The following LINGO2 variants were observed in gnomAD, a reference collection of about 807,000 sequenced individuals.
LINGO2 encodes leucine-rich repeat and immunoglobulin-like domain-containing nogo receptor-interacting protein 2.
A neutral mutation model predicts 30.6 loss-of-function variants in LINGO2; 14 were observed. That is an observed-to-expected ratio of 0.46 (90% CI 0.30 to 0.72). LINGO2 has a LOEUF of 0.72. Among genes scored for constraint, LINGO2 ranks in the 30% least tolerant of loss-of-function variants. The pLI, the probability that LINGO2 is intolerant of heterozygous loss-of-function variation, is 0.07. For synonymous variants in LINGO2, 317 were observed against 288.5 expected (o/e 1.10, Z -1.00); for missense variants, 729 against 751.7 (o/e 0.97, Z 0.35).
At chr9:28,721,318 C>T in the LINGO2 span, among the ~76,000 whole-genome samples, 10 of 152,048 alleles carry the variant, frequency 6.6e-5, no homozygotes, top group African/African-American at 2.4e-4. Context: ...GGTATATACC[C>T]AAAGGATTAT....
At chr9:28,355,982 G>C (rs1194004102) in intron 3 of LINGO2, among the ~76,000 whole-genome samples, 2 of 152,218 alleles carry the variant, frequency 1.3e-5, no homozygotes, top group African/African-American at 4.8e-5. Flanking sequence ...AGATTCCCAG[G>C]ATGTTACAAT....
intron 4 of LINGO2, among the ~76,000 whole-genome samples, chr9:28,261,727 C>A (rs769896543): frequency 1.3e-5 from 2 of 151,724 alleles, no homozygotes. Context: ...AGAAGAGAAC[C>A]ATGCAATTGC....
chr9:28,923,892 C>T, the LINGO2 span, among the ~76,000 whole-genome samples: 346 of 152,208 alleles, frequency 2.3e-3, 3 homozygotes, highest in African/African-American at 7.6e-3. Context: ...CAATATCCAA[C>T]GAGCCAGCTC....
intron 1 of LINGO2, among the ~76,000 whole-genome samples, chr9:28,668,651 C>G (rs1828896029): frequency 6.6e-6 from 1 of 151,632 alleles, no homozygotes; most frequent in Non-Finnish European, 1.5e-5. Context: ...CACATAAATT[C>G]AAGCAGGAAA....
chr9:28,407,090 T>C (rs1451500933), intron 2 of LINGO2, among the ~76,000 whole-genome samples: 1 of 152,100 alleles, frequency 6.6e-6, no homozygotes, highest in Admixed American at 6.6e-5. Flanking sequence ...TCCCTATATA[T>C]AGAGATGCAT....
intron 1 of LINGO2, among the ~76,000 whole-genome samples, chr9:28,504,766 A>C (rs1381610706): frequency 6.6e-6 from 1 of 151,914 alleles, no homozygotes; most frequent in East Asian, 1.9e-4. Context: ...AAATCAGCTT[A>C]TAAGTTAGCT....
chr9:28,916,627 T>C, the LINGO2 span, among the ~76,000 whole-genome samples: 2 of 152,218 alleles, frequency 1.3e-5, no homozygotes, highest in African/African-American at 4.8e-5. Context: ...CTTTTAGGGC[T>C]GAGCCAATGT....
intron 3 of LINGO2, among the ~76,000 whole-genome samples, chr9:28,314,991 C>G (rs1351436903): frequency 8.1e-6 from 1 of 122,704 alleles, no homozygotes; most frequent in Non-Finnish European, 1.6e-5. Flanking sequence ...GCCTGGGTGA[C>G]AGAGCAAGAC....
exon 6 of LINGO2, chr9:27,950,124 G>T (rs1563847338): frequency 1.2e-6 from 2 of 1,614,050 alleles, no homozygotes; most frequent in Non-Finnish European, 8.5e-7. Context: ...TTTCTCCAGG[G>T]TGAGCTGCTC....
the LINGO2 span, among the ~76,000 whole-genome samples, chr9:29,055,454 T>C: frequency 6.6e-6 from 1 of 152,226 alleles, no homozygotes; most frequent in Non-Finnish European, 1.5e-5. Context: ...TTTGTCGGTC[T>C]ATGGACATTT....
At chr9:28,558,228 G>A (rs867300442) in intron 1 of LINGO2, among the ~76,000 whole-genome samples, 3 of 150,376 alleles carry the variant, frequency 2.0e-5, no homozygotes, top group South Asian at 4.2e-4. Context: ...AGCTGATTTC[G>A]TTCTACTTAA....
intron 4 of LINGO2, among the ~76,000 whole-genome samples, chr9:28,021,535 T>C (rs1459025213): frequency 6.6e-6 from 1 of 152,150 alleles, no homozygotes; most frequent in Non-Finnish European, 1.5e-5. Flanking sequence ...TTGGGTCAAC[T>C]GTATCATTAT....
chr9:28,088,749 A>C (rs1055464791), intron 4 of LINGO2, among the ~76,000 whole-genome samples: 2 of 152,180 alleles, frequency 1.3e-5, no homozygotes, highest in Non-Finnish European at 2.9e-5. Context: ...AAATGCTCCA[A>C]TTAAAAGACA....
the LINGO2 span, among the ~76,000 whole-genome samples, chr9:28,885,360 T>TATATACAC: frequency 3.0e-4 from 43 of 144,162 alleles, 1 homozygote; most frequent in African/African-American, 1.0e-3. Context: ...TATATATATA[T>TATATACAC]ACACACACAC....
the LINGO2 span, among the ~76,000 whole-genome samples, chr9:29,176,036 A>C: frequency 6.6e-6 from 1 of 152,142 alleles, no homozygotes; most frequent in Admixed American, 6.5e-5. Flanking sequence ...CAAGTCCTCG[A>C]TCTGCACATA....
chr9:29,144,624 C>T, the LINGO2 span, among the ~76,000 whole-genome samples: 1 of 152,130 alleles, frequency 6.6e-6, no homozygotes, highest in Non-Finnish European at 1.5e-5. Context: ...TCAGAATTCA[C>T]TGCCTTCATC....
At position 28,171,526 on chromosome 9, in the gene LINGO2, TAA is replaced by T. The variant is rs144516028; in HGVS notation, c.-87+123680_-87+123681del. On this transcript the variant is annotated intron_variant, in intron 4 of 5. Coordinates refer to ENST00000379992, the Ensembl canonical transcript of LINGO2. ...GGGCTTGGGAAGCTCTCAAGAACAC[TAA>T]AAAAATGAAGCACCTTAAGGGCATG... is the stretch of plus-strand genomic sequence containing the variant. 1.6e-3 allele frequency among the ~76,000 whole-genome samples: 240 copies of T among 152,092 alleles called. 1 individual carries two copies. The highest frequency in any genetic ancestry group is 5.7e-3 in the African/African-American group (235 of 41,480).
At chr9:28,887,902 T>A in the LINGO2 span, among the ~76,000 whole-genome samples, 2 of 152,106 alleles carry the variant, frequency 1.3e-5, no homozygotes, top group Admixed American at 1.3e-4. Context: ...TTGCAAAAAA[T>A]TTAAAGGCTG....
chr9:28,494,219 CT>C (rs201627955), intron 1 of LINGO2, among the ~76,000 whole-genome samples: 3 of 151,212 alleles, frequency 2.0e-5, no homozygotes, highest in East Asian at 2.0e-4. Context: ...ATTTAGGCTA[CT>C]TTTTTTTTAA....
Sources: gnomAD v4.1 joint callset for allele counts (sites outside exome capture counted in the v4.1 genomes callset) on GRCh38, gnomAD v4.1.1 for gene constraint, MANE v1.5 for transcripts, NCBI Gene and HGNC (gene_info 2026-07-23, HGNC 2026-07-21) for gene names.